The following SUGCT variants were observed in gnomAD, a reference collection of about 807,000 sequenced individuals.
SUGCT encodes the protein succinyl-CoA:glutarate CoA-transferase.
Under a neutral mutation model 55.0 loss-of-function variants are expected in SUGCT, and 41 were observed. The observed-to-expected ratio is 0.74, with a 90% CI of 0.58 to 0.97. The LOEUF is 0.97. Ranked by LOEUF, SUGCT falls within the 50% of genes least tolerant of loss-of-function variation. The probability of loss-of-function intolerance (pLI) is 0.00; values close to 1 mark genes in which losing one functional copy is unlikely to be tolerated. For missense variants in SUGCT, 568 were observed against 547.8 expected (o/e 1.04, Z -0.37); for synonymous variants, 187 against 200.4 (o/e 0.93, Z 0.56).
chr7:40,438,509 G>A lies in SUGCT; in HGVS notation c.817-10778G>A, dbSNP rs370654137. 5.8e-4 allele frequency among the ~76,000 whole-genome samples: 89 copies of A among 152,218 alleles called. No individual in the cohort carries two copies. The Middle Eastern group carries it at 0.017, about 29-fold the overall frequency. On this transcript the variant is annotated intron_variant, in intron 9 of 13. Transcript: ENST00000335693. ...GGTTTCCCTATCAGTGAATTTTGTT[G>A]TGCCAGAATTTGCACAGCTTCTAGT...
chr7:40,634,412 C>T (rs1407063388), intron 12 of SUGCT, among the ~76,000 whole-genome samples: 2 of 152,156 alleles, frequency 1.3e-5, no homozygotes, highest in Admixed American at 6.5e-5. Context: ...AATCAGCTAC[C>T]TGCTCATTCC....
chr7:40,205,734 A>G (rs1354991370), intron 6 of SUGCT, among the ~76,000 whole-genome samples: 2 of 151,754 alleles, frequency 1.3e-5, no homozygotes, highest in Non-Finnish European at 2.9e-5. Flanking sequence ...GTACCCTCTC[A>G]TGACACAGCT....
the SUGCT span, among the ~76,000 whole-genome samples, chr7:40,884,449 A>G: frequency 2.0e-5 from 3 of 152,008 alleles, no homozygotes; most frequent in Non-Finnish European, 4.4e-5. Context: ...GTTTCCCTGA[A>G]CTCAGTGGGG....
chr7:40,372,908 A>ATTTC (rs1562724408), intron 9 of SUGCT, among the ~76,000 whole-genome samples: 1 of 152,040 alleles, frequency 6.6e-6, no homozygotes, highest in Non-Finnish European at 1.5e-5. Context: ...TTATAATTCA[A>ATTTC]ATCCATATTG....
chr7:40,898,528 C>T, the SUGCT span, among the ~76,000 whole-genome samples: 1 of 139,552 alleles, frequency 7.2e-6, no homozygotes, highest in African/African-American at 2.5e-5. Flanking sequence ...TCGAGACCAT[C>T]CTCGCTAACA....
At chr7:40,409,228 T>C (rs1460873531) in intron 9 of SUGCT, among the ~76,000 whole-genome samples, 3 of 152,138 alleles carry the variant, frequency 2.0e-5, no homozygotes, top group Admixed American at 2.0e-4. Flanking sequence ...AGTGCTGGGA[T>C]TACAGGTGTG....
At chr7:40,455,614 C>A (rs942676222) in intron 10 of SUGCT, among the ~76,000 whole-genome samples, 4 of 152,174 alleles carry the variant, frequency 2.6e-5, no homozygotes, top group African/African-American at 7.2e-5. Flanking sequence ...AATTCTTGTG[C>A]AAATACTTAT....
intron 9 of SUGCT, among the ~76,000 whole-genome samples, chr7:40,353,181 C>T (rs1797725675): frequency 6.6e-6 from 1 of 152,092 alleles, no homozygotes; most frequent in Non-Finnish European, 1.5e-5. Flanking sequence ...TGTGTTTCAC[C>T]AAGTTTTCGG....
intron 5 of SUGCT, 86 bp downstream of exon 5, chr7:40,189,680 A>G (rs1785777716): frequency 1.7e-6 from 1 of 602,144 alleles, no homozygotes; most frequent in Non-Finnish European, 2.7e-6. Context: ...TTAAAACTCA[A>G]TTTTATGGGT....
intron 13 of SUGCT, among the ~76,000 whole-genome samples, chr7:40,758,796 C>A (rs760062587): frequency 2.0e-5 from 3 of 151,972 alleles, no homozygotes; most frequent in Non-Finnish European, 2.9e-5. Flanking sequence ...GAAATGCTTC[C>A]CTAATTTGCC....
intron 9 of SUGCT, among the ~76,000 whole-genome samples, chr7:40,446,599 T>C (rs1788853054): frequency 6.6e-6 from 1 of 152,218 alleles, no homozygotes; most frequent in Non-Finnish European, 1.5e-5. Flanking sequence ...AGCAACAATG[T>C]AAATAGAATA....
chr7:40,615,640 A>G lies in SUGCT; in HGVS notation c.1089+119254A>G, dbSNP rs533483410. Among the ~76,000 whole-genome samples, 14 of 152,326 alleles carry G rather than the reference A, an allele frequency of 9.2e-5. No homozygotes were observed. The East Asian group carries it at 2.1e-3, about 23-fold the overall frequency. On this transcript the variant is annotated intron_variant, in intron 12 of 13. Transcript: ENST00000335693. The stretch of plus-strand genomic sequence containing the variant: ...TCAGTGGAGAAGTTGGGCAGAATAC[A>G]TGATCTCCTAGGTTCTTTCAGTCAT...
Position 40,535,830 on chromosome 7 carries a change from T to C in SUGCT, c.1089+39444T>C, listed in dbSNP as rs369509920. 1.2e-4 allele frequency among the ~76,000 whole-genome samples: 18 copies of C among 152,272 alleles called. No individual in the cohort carries two copies. In the East Asian group the frequency reaches 3.3e-3, roughly 28 times the overall value. On this transcript the variant is annotated intron_variant, in intron 12 of 13. Coordinates refer to ENST00000335693, the MANE Select transcript of SUGCT (RefSeq NM_001193313.2). ...GGGATTACAGATATGAGCCACTGCA[T>C]CTGGCCTTTTGACTTTTTATTAATA...
At chr7:41,022,375 A>G in the SUGCT span, among the ~76,000 whole-genome samples, 1 of 152,222 alleles carries the variant, frequency 6.6e-6, no homozygotes, top group Non-Finnish European at 1.5e-5. Context: ...CAGGAGAGAA[A>G]GCAAAAGAAA....
chr7:40,903,509 G>A, the SUGCT span, among the ~76,000 whole-genome samples: 1 of 152,164 alleles, frequency 6.6e-6, no homozygotes, highest in South Asian at 2.1e-4. Flanking sequence ...CTTGGCCGTC[G>A]TTGGAAGTCC....
At chr7:40,983,666 A>G in the SUGCT span, among the ~76,000 whole-genome samples, 1 of 152,188 alleles carries the variant, frequency 6.6e-6, no homozygotes, top group Non-Finnish European at 1.5e-5. Context: ...ATTTTTGTGA[A>G]TTAAAGTAAA....
At chr7:40,358,717 A>AAAAAAC (rs1554320802) in intron 9 of SUGCT, among the ~76,000 whole-genome samples, 3 of 150,658 alleles carry the variant, frequency 2.0e-5, no homozygotes, top group Non-Finnish European at 4.4e-5. Context: ...TCCATCTCAA[A>AAAAAAC]AACAACAACA....
chr7:40,866,942 C>A, the SUGCT span, among the ~76,000 whole-genome samples: 1 of 151,664 alleles, frequency 6.6e-6, no homozygotes, highest in Non-Finnish European at 1.5e-5. Flanking sequence ...TGGTGGGTCT[C>A]TGTGTGGGCG....
intron 12 of SUGCT, among the ~76,000 whole-genome samples, chr7:40,721,100 G>A (rs1211688310): frequency 1.3e-5 from 2 of 152,216 alleles, no homozygotes; most frequent in Non-Finnish European, 2.9e-5. Context: ...AGCAGGTTCT[G>A]GAGCCAGTCT....
Sources: allele counts gnomAD v4.1 joint callset (sites outside exome capture counted in the v4.1 genomes callset), GRCh38; gene constraint gnomAD v4.1.1; transcripts MANE v1.5; gene names NCBI Gene and HGNC (gene_info 2026-07-23, HGNC 2026-07-21).